Variants in ARFGAP3 observed in about 807,000 individuals in gnomAD.
The protein encoded by ARFGAP3 is ADP-ribosylation factor GTPase-activating protein 3.
ARFGAP3 carries 72 observed loss-of-function variants against 75.0 expected under a neutral mutation model. That is an observed-to-expected ratio of 0.96 (90% CI 0.79 to 1.17). The LOEUF is 1.17. Among genes scored for constraint, ARFGAP3 ranks in the 50% most tolerant of loss-of-function variants. ARFGAP3 has a pLI of 0.00. For synonymous variants in ARFGAP3, 221 were observed against 217.9 expected (o/e 1.01, Z -0.13); for missense variants, 620 against 626.6 (o/e 0.99, Z 0.11).
chr22:42,816,820 C>T (rs1227417603), intron 11 of ARFGAP3, among the ~76,000 whole-genome samples: 1 of 152,220 alleles, frequency 6.6e-6, no homozygotes, highest in African/African-American at 2.4e-5. Flanking sequence ...AATATTCCCA[C>T]TGCTGGACTA....
intron 1 of ARFGAP3, among the ~76,000 whole-genome samples, chr22:42,856,318 G>C (rs1020748791): frequency 1.3e-5 from 2 of 152,286 alleles, no homozygotes; most frequent in East Asian, 3.9e-4. Context: ...GTGACAGTGG[G>C]AACCAGACAA....
intron 2 of ARFGAP3, 59 bp downstream of exon 2, chr22:42,847,455 A>G: frequency 6.8e-7 from 1 of 1,469,698 alleles, no homozygotes; most frequent in African/African-American, 1.4e-5. Context: ...AAAAAAGGGA[A>G]AAAAACACCC....
intron 14 of ARFGAP3, among the ~76,000 whole-genome samples, chr22:42,801,739 C>T (rs1266207515): frequency 1.3e-5 from 2 of 152,180 alleles, no homozygotes; most frequent in Non-Finnish European, 2.9e-5. Flanking sequence ...CTGCAGAGGG[C>T]TTCCTCTGCC....
rs539277107 is a variant in ARFGAP3, at chr22:42,804,240, T to A, written c.1411+2833A>T. ...CTTTTCTTTTTTTTGAAACAGAATC[T>A]CATTCTATTGCCCAGGCTGGAGTGT... On this transcript the variant is annotated intron_variant, in intron 14 of 15. Transcript: ENST00000263245. 3.9e-5 allele frequency among the ~76,000 whole-genome samples: 6 copies of A among 151,952 alleles called. No individual in the cohort carries two copies. In the South Asian group the frequency reaches 1.2e-3, roughly 32 times the overall value.
At chr22:42,840,211 C>T (rs1389758928) in intron 3 of ARFGAP3, among the ~76,000 whole-genome samples, 1 of 152,106 alleles carries the variant, frequency 6.6e-6, no homozygotes, top group African/African-American at 2.4e-5. Flanking sequence ...GGATTACAAG[C>T]ATGAGCCACC....
chr22:42,817,758 T>A lies in ARFGAP3; in HGVS notation c.912A>T (p.Arg304Ser). The change falls in exon 10 of 16, where the codon AGA becomes AGT. Residue 304 changes from arginine to serine, a missense_variant. Arg to Ser is a moderately radical substitution (Grantham distance 110). Coordinates refer to ENST00000263245, the MANE Select transcript of ARFGAP3 (RefSeq NM_014570.5). The stretch of plus-strand genomic sequence containing the variant: ...TGCAATTTCCAAATCCCATGCCGAG[T>A]CTGTCTGAGTCAACATTTTTTTTGC... The part of the protein sequence containing the change: ...ISGKKNVDSD[R>S]LGMGFGNCRS... 1.2e-6 allele frequency: 2 copies of A among 1,613,226 alleles called. No homozygotes were observed.
At chr22:42,800,671 C>T (rs1463719278) in intron 14 of ARFGAP3, among the ~76,000 whole-genome samples, 1 of 152,230 alleles carries the variant, frequency 6.6e-6, no homozygotes, top group Non-Finnish European at 1.5e-5. Flanking sequence ...GATGCAGGTC[C>T]TCCCATCTCC....
At position 42,796,816 on chromosome 22, in the gene ARFGAP3, G is replaced by A. The variant is rs1330476293; in HGVS notation, c.*772C>T. On this transcript the variant is annotated 3_prime_UTR_variant, in exon 16 of 16. Transcript: ENST00000263245. ...ATACACGCAACTATTTTCTGTAGCTGTATCTTCTTACCTCATTCCACTTTA... is the reference window on the plus strand; with the variant it reads ...ATACACGCAACTATTTTCTGTAGCTATATCTTCTTACCTCATTCCACTTTA... The A allele has an allele frequency of 1.3e-5, 2 of 152,150 alleles. No individual in the cohort carries two copies. The highest frequency in any genetic ancestry group is 4.8e-5 in the African/African-American group (2 of 41,446). The allele number at this position is 152,150 out of a possible 1,614,324, so 9.4% of individuals were successfully genotyped here.
rs1022795648 is a variant in ARFGAP3 at position 42,796,805 on chromosome 22, T to C, written c.*783A>G. On this transcript the variant is annotated 3_prime_UTR_variant, in exon 16 of 16. Coordinates refer to ENST00000263245, the MANE Select transcript of ARFGAP3 (RefSeq NM_014570.5). ...ACTGTTCTCCCATACACGCAACTAT[T>C]TTCTGTAGCTGTATCTTCTTACCTC... 3.3e-5 allele frequency: 5 copies of C among 152,244 alleles called. No individual in the cohort carries two copies. The highest frequency in any genetic ancestry group is 2.0e-4 in the Admixed American group (3 of 15,284). The allele number at this position is 152,244 out of a possible 1,614,324, so 9.4% of individuals were successfully genotyped here.
rs192155790 is a variant in ARFGAP3 at position 42,851,686 on chromosome 22, G to A, written c.70-4054C>T. ...CCAGGAGGCTATGCTTTGGAAGCAG[G>A]GACTGCGCTTTGATTTGATATGCAA... On this transcript the variant is annotated intron_variant, in intron 1 of 15. Transcript: ENST00000263245. Among the ~76,000 whole-genome samples, 46 of 152,302 alleles carry A rather than the reference G, an allele frequency of 3.0e-4. 1 individual carries two copies. The East Asian group carries it at 4.2e-3, about 14-fold the overall frequency.
rs148012250 is a variant in ARFGAP3, at chr22:42,800,073, C to T, written c.1412-913G>A. The stretch of plus-strand genomic sequence containing the variant: ...GTTATCACACATCAAGGAGGTCTGA[C>T]CACACTCCTAGAGCTGACAATCAGG... On this transcript the variant is annotated intron_variant, in intron 14 of 15. Coordinates refer to ENST00000263245, the MANE Select transcript of ARFGAP3 (RefSeq NM_014570.5). Among the ~76,000 whole-genome samples the T allele has an allele frequency of 2.0e-3, 298 of 152,318 alleles. 2 individuals are homozygous for T. Among genetic ancestry groups the T allele is most frequent in the African/African-American group, 6.8e-3 (282 of 41,564 alleles).
At chr22:42,844,087 A>G (rs576190580) in intron 2 of ARFGAP3, among the ~76,000 whole-genome samples, 12 of 152,322 alleles carry the variant, frequency 7.9e-5, no homozygotes, top group Admixed American at 7.2e-4. Context: ...TGTGTCTGGC[A>G]GTGGGAGGGG....
intron 1 of ARFGAP3, among the ~76,000 whole-genome samples, chr22:42,856,092 G>A (rs1474874164): frequency 1.3e-5 from 2 of 151,994 alleles, no homozygotes; most frequent in Non-Finnish European, 2.9e-5. Flanking sequence ...GTAAAGAAAC[G>A]GGCACTGGAG....
At chr22:42,821,030 A>G (rs1925790301) in intron 9 of ARFGAP3, among the ~76,000 whole-genome samples, 1 of 151,966 alleles carries the variant, frequency 6.6e-6, no homozygotes, top group African/African-American at 2.4e-5. Context: ...TTATCGTTCC[A>G]ACTCCTCCAC....
At chr22:42,831,219 G>A (rs559968127) in intron 6 of ARFGAP3, among the ~76,000 whole-genome samples, 6 of 148,620 alleles carry the variant, frequency 4.0e-5, no homozygotes, top group Admixed American at 6.7e-5. Context: ...CCCAGGAGGC[G>A]GAGGTTGCAG....
chr22:42,817,650 C>A, intron 10 of ARFGAP3, 79 bp downstream of exon 10: 2 of 1,202,682 alleles, frequency 1.7e-6, no homozygotes, highest in South Asian at 1.4e-5. Flanking sequence ...AAAGTTGAAA[C>A]TAACACAGTC....
At chr22:42,841,773 C>T (rs1926790576) in intron 2 of ARFGAP3, among the ~76,000 whole-genome samples, 2 of 152,058 alleles carry the variant, frequency 1.3e-5, no homozygotes, top group African/African-American at 4.8e-5. Flanking sequence ...AGGCAGAATA[C>T]CTTTTACAAA....
chr22:42,807,349 A>ACCT, intron 13 of ARFGAP3, 186 bp from the exon 14 acceptor site: 3 of 811,152 alleles, frequency 3.7e-6, no homozygotes, highest in Non-Finnish European at 4.5e-6. Context: ...TCTGCATGGG[A>ACCT]GGCAGGTCAC....
At chr22:42,799,338 CAT>C (rs1924753834) in intron 14 of ARFGAP3, 178 bp from the exon 15 acceptor site, 1 of 702,414 alleles carries the variant, frequency 1.4e-6, no homozygotes, top group African/African-American at 1.9e-5. Flanking sequence ...CCATGATCCA[CAT>C]GAGAGAATCC....
Sources: allele counts gnomAD v4.1 joint callset (sites outside exome capture counted in the v4.1 genomes callset), GRCh38; gene constraint gnomAD v4.1.1; transcripts MANE v1.5; gene names NCBI Gene and HGNC (gene_info 2026-07-23, HGNC 2026-07-21).